The following CNTN4 variants were observed in gnomAD, a reference collection of about 807,000 sequenced individuals.
The protein encoded by CNTN4 is contactin 4.
CNTN4 carries 77 observed loss-of-function variants against 122.5 expected under a neutral mutation model. The ratio of observed to expected loss-of-function variants is 0.63; its 90% CI spans 0.52 to 0.76. CNTN4 has a LOEUF of 0.76. Ranked by LOEUF, CNTN4 falls within the 30% of genes least tolerant of loss-of-function variation. CNTN4 has a pLI of 0.00. For missense variants in CNTN4, 1,256 were observed against 1,259.1 expected (o/e 1.00, Z 0.04); for synonymous variants, 512 against 447.0 (o/e 1.15, Z -1.83).
intron 2 of CNTN4, among the ~76,000 whole-genome samples, chr3:2,220,705 A>G (rs887817442): frequency 2.6e-5 from 4 of 152,148 alleles, no homozygotes; most frequent in Non-Finnish European, 5.9e-5. Flanking sequence ...AATTACATAG[A>G]TAATAATTGC....
intron 2 of CNTN4, among the ~76,000 whole-genome samples, chr3:2,288,538 A>G (rs911958879): frequency 1.3e-5 from 2 of 152,150 alleles, no homozygotes; most frequent in African/African-American, 4.8e-5. Context: ...CGGATTCAAC[A>G]TGAGATTTTG....
At chr3:2,234,362 G>A (rs1320031358) in intron 2 of CNTN4, among the ~76,000 whole-genome samples, 2 of 75,834 alleles carry the variant, frequency 2.6e-5, no homozygotes, top group Non-Finnish European at 4.7e-5. Context: ...GGGGCAACAA[G>A]TCCATCTCAA....
chr3:2,107,383 G>C (rs924566856), intron 2 of CNTN4, among the ~76,000 whole-genome samples: 5 of 152,116 alleles, frequency 3.3e-5, no homozygotes, highest in African/African-American at 1.2e-4. Context: ...TTAAAATCAT[G>C]GTGGAAGGGG....
At chr3:3,006,164 C>T (rs1490085087) in intron 14 of CNTN4, among the ~76,000 whole-genome samples, 2 of 152,154 alleles carry the variant, frequency 1.3e-5, no homozygotes, top group African/African-American at 4.8e-5. Context: ...GCATGAGCCA[C>T]CGCGCCCAGC....
At chr3:2,960,224 CA>C (rs1353815500) in intron 13 of CNTN4, among the ~76,000 whole-genome samples, 1 of 152,156 alleles carries the variant, frequency 6.6e-6, no homozygotes, top group East Asian at 1.9e-4. Context: ...TCAAGGTGTA[CA>C]GTTGTCACTT....
intron 3 of CNTN4, among the ~76,000 whole-genome samples, chr3:2,363,597 T>G (rs920789139): frequency 6.6e-6 from 1 of 152,068 alleles, no homozygotes; most frequent in Non-Finnish European, 1.5e-5. Context: ...GGTGTCTCAG[T>G]TAGTAATTCC....
At chr3:2,513,810 CAG>C in intron 3 of CNTN4, among the ~76,000 whole-genome samples, 1 of 152,166 alleles carries the variant, frequency 6.6e-6, no homozygotes, top group South Asian at 2.1e-4. Context: ...CTCCAGGGGT[CAG>C]TTTAGGGTAT....
At chr3:2,281,228 C>G (rs940937068) in intron 2 of CNTN4, among the ~76,000 whole-genome samples, 1 of 152,098 alleles carries the variant, frequency 6.6e-6, no homozygotes, top group Non-Finnish European at 1.5e-5. Context: ...TTGTTGAACT[C>G]AGGATCTGAA....
intron 23 of CNTN4, among the ~76,000 whole-genome samples, chr3:3,048,595 G>T (rs1017157584): frequency 1.3e-5 from 2 of 151,792 alleles, no homozygotes; most frequent in African/African-American, 4.8e-5. Flanking sequence ...CACGTCCCAT[G>T]ATAGCTCAGG....
At chr3:2,387,139 T>C (rs34359376) in intron 3 of CNTN4, among the ~76,000 whole-genome samples, 25,062 of 152,186 alleles carry the variant, frequency 0.16, 2,536 homozygotes, top group Middle Eastern at 0.26. Context: ...TTTATAAAAC[T>C]TATCTGATAG....
At chr3:2,273,109 G>C (rs540764541) in intron 2 of CNTN4, among the ~76,000 whole-genome samples, 6 of 152,108 alleles carry the variant, frequency 3.9e-5, no homozygotes, top group African/African-American at 1.2e-4. Flanking sequence ...TACAAGTCAG[G>C]TGGTGACCAG....
chr3:2,643,643 A>G (rs1256575970), intron 4 of CNTN4, among the ~76,000 whole-genome samples: 1 of 152,218 alleles, frequency 6.6e-6, no homozygotes, highest in East Asian at 1.9e-4. Flanking sequence ...TGGAGAAGAC[A>G]CATAAACAAG....
chr3:2,857,110 C>G (rs544887847), intron 7 of CNTN4, among the ~76,000 whole-genome samples: 14 of 152,324 alleles, frequency 9.2e-5, no homozygotes, highest in Admixed American at 7.8e-4. Context: ...GACCCACACT[C>G]CTTCCTAGAG....
At chr3:3,046,723 C>A (rs998574258) in intron 23 of CNTN4, among the ~76,000 whole-genome samples, 16 of 152,110 alleles carry the variant, frequency 1.1e-4, no homozygotes, top group Admixed American at 2.6e-4. Flanking sequence ...GCATCAACTA[C>A]CGAGCAAAAT....
chr3:2,176,829 A>T (rs2036768693), intron 2 of CNTN4, among the ~76,000 whole-genome samples: 1 of 152,234 alleles, frequency 6.6e-6, no homozygotes, highest in South Asian at 2.1e-4. Context: ...TGCAAGAAAT[A>T]AACATCACTT....
rs536619059 is a variant in CNTN4 at position 2,630,423 on chromosome 3, A to C, written c.55+58865A>C. Among the ~76,000 whole-genome samples the C allele has an allele frequency of 3.8e-4, 58 of 152,308 alleles. No homozygotes were observed. The South Asian group carries it at 0.011, about 28-fold the overall frequency. On this transcript the variant is annotated intron_variant, in intron 4 of 24. Transcript: ENST00000418658. ...CACTGCACTCCAGCCTGGGCGACAG[A>C]TTGAGACCCTGTCTCAAAACAAAGA...
intron 7 of CNTN4, among the ~76,000 whole-genome samples, chr3:2,859,025 A>T (rs369617335): frequency 9.2e-5 from 14 of 152,276 alleles, no homozygotes; most frequent in African/African-American, 3.4e-4. Context: ...TGTCTGACTG[A>T]AATTATTTAT....
At chr3:2,925,843 T>A (rs1335270211) in intron 13 of CNTN4, 64 bp downstream of exon 13, 1 of 1,424,554 alleles carries the variant, frequency 7.0e-7, no homozygotes, top group Non-Finnish European at 9.9e-7. Context: ...CTGTTATTAA[T>A]AATTCTAAGG....
chr3:2,731,030 T>G (rs2088637901), intron 4 of CNTN4, among the ~76,000 whole-genome samples: 1 of 151,650 alleles, frequency 6.6e-6, no homozygotes, highest in Admixed American at 6.6e-5. Context: ...TTTTTTTAAG[T>G]CAAAAAATAT....
Sources: allele counts gnomAD v4.1 joint callset (sites outside exome capture counted in the v4.1 genomes callset), GRCh38; gene constraint gnomAD v4.1.1; transcripts MANE v1.5; gene names NCBI Gene and HGNC (gene_info 2026-07-23, HGNC 2026-07-21).